COL24A1: variants seen among roughly 807,000 people sequenced by gnomAD.
COL24A1 encodes the protein collagen alpha-1(XXIV) chain.
A neutral mutation model predicts 253.9 loss-of-function variants in COL24A1; 224 were observed. The ratio of observed to expected loss-of-function variants is 0.88; its 90% CI spans 0.79 to 0.99. The LOEUF (loss-of-function observed/expected upper bound fraction) is 0.99, where lower values mean the gene tolerates loss of function less well. COL24A1 is among the 50% of genes least tolerant of loss of function. The probability of loss-of-function intolerance (pLI) is 0.00; values close to 1 mark genes in which losing one functional copy is unlikely to be tolerated. For synonymous variants in COL24A1, 685 were observed against 673.7 expected (o/e 1.02, Z -0.26); for missense variants, 2,131 against 2,068.5 (o/e 1.03, Z -0.59).
At chr1:85,804,519 AAG>A (rs1266895594) in intron 47 of COL24A1, among the ~76,000 whole-genome samples, 2 of 152,216 alleles carry the variant, frequency 1.3e-5, no homozygotes, top group Non-Finnish European at 2.9e-5. Context: ...TTACAAAAGA[AAG>A]AGGTTTATTA....
chr1:86,099,383 T>C (rs1312130462), intron 5 of COL24A1, among the ~76,000 whole-genome samples: 2 of 151,880 alleles, frequency 1.3e-5, no homozygotes, highest in Non-Finnish European at 2.9e-5. Context: ...AGGAAGAAAA[T>C]AATAAAGAGT....
chr1:86,006,320 G>A (rs1351437870), intron 19 of COL24A1, among the ~76,000 whole-genome samples: 1 of 152,090 alleles, frequency 6.6e-6, no homozygotes, highest in African/African-American at 2.4e-5. Flanking sequence ...ATAAGTAGAT[G>A]AGCGGAACAG....
intron 28 of COL24A1, among the ~76,000 whole-genome samples, chr1:85,904,131 A>G (rs186728956): frequency 1.3e-3 from 194 of 152,258 alleles, no homozygotes; most frequent in African/African-American, 4.5e-3. Context: ...AAAACATTAC[A>G]TATTTTTAAT....
chr1:86,115,469 C>T, intron 3 of COL24A1, 91 bp from the exon 4 acceptor site: 1 of 1,206,100 alleles, frequency 8.3e-7, no homozygotes, highest in South Asian at 1.3e-5. Flanking sequence ...AAAGACAACT[C>T]TTTTTCAGTC....
intron 11 of COL24A1, among the ~76,000 whole-genome samples, 191 bp downstream of exon 11, chr1:86,049,933 A>C (rs1373889848): frequency 6.6e-6 from 1 of 152,142 alleles, no homozygotes; most frequent in Non-Finnish European, 1.5e-5. Context: ...CTATCATGCT[A>C]TATTACTTTC....
intron 18 of COL24A1, among the ~76,000 whole-genome samples, chr1:86,022,027 T>G (rs1697581436): frequency 1.3e-5 from 2 of 152,238 alleles, no homozygotes; most frequent in African/African-American, 4.8e-5. Flanking sequence ...TTTAGGACTC[T>G]CAGAAACTTG....
intron 31 of COL24A1, 40 bp from the exon 32 acceptor site, chr1:85,889,653 G>C: frequency 6.4e-7 from 1 of 1,570,040 alleles, no homozygotes; most frequent in Non-Finnish European, 8.8e-7. Context: ...AAAGTGGTGT[G>C]TGAAGATGTT....
intron 26 of COL24A1, 69 bp from the exon 27 acceptor site, chr1:85,908,720 G>T: frequency 3.1e-6 from 2 of 643,728 alleles, no homozygotes; most frequent in Non-Finnish European, 4.9e-6. Context: ...TTGAAGACAA[G>T]CCAGTAAATT....
chr1:86,129,250 T>C (rs949809569), intron 2 of COL24A1, among the ~76,000 whole-genome samples: 1 of 151,800 alleles, frequency 6.6e-6, no homozygotes, highest in African/African-American at 2.4e-5. Flanking sequence ...AATAATCCCT[T>C]ACAATTATTT....
At position 86,022,945 on chromosome 1, in the gene COL24A1, G is replaced by A. The variant is rs367693606; in HGVS notation, c.2103+9C>T. ...AAGGGAAATATCCATTATACAAATA[G>A]AACCATACCATTGGGCCAGGAATTC... On this transcript the variant is annotated intron_variant, in intron 15 of 59. Transcript: ENST00000370571. 52 of 1,612,982 alleles carry A rather than the reference G, an allele frequency of 3.2e-5. No individual in the cohort carries two copies. In the African/African-American group the frequency reaches 4.0e-4, roughly 12 times the overall value.
At chr1:85,926,566 G>A (rs1205207094) in intron 24 of COL24A1, among the ~76,000 whole-genome samples, 36 of 151,682 alleles carry the variant, frequency 2.4e-4, no homozygotes, top group Admixed American at 2.4e-3. Flanking sequence ...CTATCACAAG[G>A]ACATAAGACC....
chr1:85,745,273 T>G (rs544556646), intron 56 of COL24A1, among the ~76,000 whole-genome samples, 168 bp downstream of exon 56: 75 of 152,274 alleles, frequency 4.9e-4, no homozygotes, highest in African/African-American at 1.8e-3. Context: ...ATATTTCTGT[T>G]TAATTATACC....
intron 19 of COL24A1, among the ~76,000 whole-genome samples, chr1:86,014,467 T>C (rs887545856): frequency 1.3e-5 from 2 of 152,222 alleles, no homozygotes; most frequent in Non-Finnish European, 2.9e-5. Flanking sequence ...TATGTATCTC[T>C]AGTCTACTTT....
At chr1:85,942,630 T>A (rs1202547986) in intron 24 of COL24A1, among the ~76,000 whole-genome samples, 4 of 152,140 alleles carry the variant, frequency 2.6e-5, no homozygotes, top group Non-Finnish European at 5.9e-5. Context: ...AAGATCAAAA[T>A]CACAAAAGTT....
At position 86,152,847 on chromosome 1, in the gene COL24A1, G is replaced by C. The variant is rs186232349; in HGVS notation, c.56+3494C>G. Reference sequence around the variant, plus strand: ...ATCAGATAATCTTCAGTCAATGAAAGTATCAGGTGGTCTTGAGTTTCAACA... The same window carrying C: ...ATCAGATAATCTTCAGTCAATGAAACTATCAGGTGGTCTTGAGTTTCAACA... On this transcript the variant is annotated intron_variant, in intron 1 of 59. Transcript: ENST00000370571. Among the ~76,000 whole-genome samples the C allele has an allele frequency of 1.5e-4, 23 of 152,304 alleles. No individual in the cohort carries two copies. The East Asian group carries it at 4.2e-3, about 28-fold the overall frequency.
chr1:86,029,821 C>T (rs912543610), intron 14 of COL24A1: 31 of 151,538 alleles, frequency 2.0e-4, no homozygotes, highest in African/African-American at 7.5e-4. Context: ...TTTTTTTCAA[C>T]GTTTTTTATT....
At chr1:85,767,101 C>T (rs1002366689) in intron 53 of COL24A1, among the ~76,000 whole-genome samples, 10 of 67,140 alleles carry the variant, frequency 1.5e-4, no homozygotes, top group Admixed American at 5.3e-4. Context: ...GAGACTCCGT[C>T]TCAATAATAA....
intron 45 of COL24A1, among the ~76,000 whole-genome samples, chr1:85,821,338 T>C (rs1453658548): frequency 6.6e-6 from 1 of 152,208 alleles, no homozygotes; most frequent in African/African-American, 2.4e-5. Flanking sequence ...GGCTTCTTCA[T>C]AATAACAGGA....
intron 7 of COL24A1, among the ~76,000 whole-genome samples, chr1:86,065,756 T>TA (rs71078636): frequency 0.41 from 48,300 of 118,242 alleles, 9,912 homozygotes; most frequent in East Asian, 0.76. Flanking sequence ...TAGCAACCTC[T>TA]AAAAAAAAAA....
Sources: allele counts gnomAD v4.1 joint callset (sites outside exome capture counted in the v4.1 genomes callset), GRCh38; gene constraint gnomAD v4.1.1; transcripts MANE v1.5; gene names NCBI Gene and HGNC (gene_info 2026-07-23, HGNC 2026-07-21).